Variants in LNPEP observed in about 807,000 individuals in gnomAD.
LNPEP encodes the protein leucyl-cystinyl aminopeptidase.
LNPEP carries 64 observed loss-of-function variants against 120.6 expected under a neutral mutation model. The observed-to-expected ratio is 0.53, with a 90% CI of 0.43 to 0.65. The LOEUF is 0.65. LNPEP is among the 30% of genes least tolerant of loss of function. LNPEP has a pLI of 0.00. For missense variants in LNPEP, 1,057 were observed against 1,200.0 expected (o/e 0.88, Z 1.76); for synonymous variants, 435 against 425.4 (o/e 1.02, Z -0.28).
intron 15 of LNPEP, 61 bp from the exon 16 acceptor site, chr5:97,026,556 G>A (rs1791344082): frequency 1.5e-6 from 2 of 1,352,438 alleles, no homozygotes; most frequent in Non-Finnish European, 2.1e-6. Flanking sequence ...TTTAATTTAA[G>A]TTCAGTCATC....
rs200779297 is a variant in LNPEP at position 96,969,253 on chromosome 5, C to CTT, written c.20-9873_20-9872dup. Among the ~76,000 whole-genome samples, 925 of 142,094 alleles carry CTT rather than the reference C, an allele frequency of 6.5e-3. 3 individuals are homozygous for CTT. Among genetic ancestry groups the CTT allele is most frequent in the South Asian group, 0.014 (62 of 4,516 alleles). 93.2% of individuals were successfully genotyped at this position (142,094 alleles called of 152,430 possible). A position where few individuals can be genotyped will look rare whatever the true frequency, so the allele number is the denominator to read the frequency against. On this transcript the variant is annotated intron_variant, in intron 1 of 17. Coordinates refer to ENST00000231368, the MANE Select transcript of LNPEP (RefSeq NM_005575.3). ...GTAGTTTTTTGCTTAAGAATGCTTG[C>CTT]TTTTTTTTTTTTTAACTTTTGATGA...
At position 97,033,060 on chromosome 5, in the gene LNPEP, T is replaced by C. The variant is rs1791502443; in HGVS notation, c.*4527T>C. The stretch of plus-strand genomic sequence containing the variant: ...TTTAGGCAATAGCTAATAGAGTAGT[T>C]TGTTTTGTTTTGGGGTGTGGGGGAG... On this transcript the variant is annotated 3_prime_UTR_variant, in exon 18 of 18. Coordinates refer to ENST00000231368, the MANE Select transcript of LNPEP (RefSeq NM_005575.3). 1.3e-5 allele frequency: 2 copies of C among 152,070 alleles called. No homozygotes were observed. Among genetic ancestry groups the C allele is most frequent in the South Asian group, 4.2e-4 (2 of 4,766 alleles). The allele number at this position is 152,070 out of a possible 1,614,324, so 9.4% of individuals were successfully genotyped here.
intron 2 of LNPEP, among the ~76,000 whole-genome samples, chr5:96,982,063 A>G (rs1790140003): frequency 6.6e-6 from 1 of 152,152 alleles, no homozygotes; most frequent in Non-Finnish European, 1.5e-5. Flanking sequence ...TATTCTGTCA[A>G]ACTCACTAAG....
chr5:96,940,901 G>A (rs1012829539), intron 1 of LNPEP, among the ~76,000 whole-genome samples: 47 of 152,292 alleles, frequency 3.1e-4, no homozygotes, highest in African/African-American at 1.1e-3. Flanking sequence ...TCGGGGGGAT[G>A]TATGTATACT....
At chr5:97,010,007 GGTTA>G (rs1331299932) in intron 11 of LNPEP, among the ~76,000 whole-genome samples, 1 of 151,678 alleles carries the variant, frequency 6.6e-6, no homozygotes, top group African/African-American at 2.4e-5. Flanking sequence ...AGGGTTGTTG[GGTTA>G]GTTCATTAGT....
chr5:97,013,967 T>C, intron 12 of LNPEP, 136 bp downstream of exon 12: 1 of 551,930 alleles, frequency 1.8e-6, no homozygotes, highest in Non-Finnish European at 3.1e-6. Flanking sequence ...TGGGAAAATA[T>C]GTGTTCTTTG....
At chr5:97,004,762 T>C (rs1407145906) in intron 9 of LNPEP, among the ~76,000 whole-genome samples, 1 of 152,194 alleles carries the variant, frequency 6.6e-6, no homozygotes, top group East Asian at 1.9e-4. Context: ...CCCTACTCTC[T>C]GAATTCTCTT....
At chr5:97,017,444 G>T (rs1791093003) in intron 13 of LNPEP, among the ~76,000 whole-genome samples, 1 of 151,620 alleles carries the variant, frequency 6.6e-6, no homozygotes, top group South Asian at 2.1e-4. Context: ...CTCTCTTAAT[G>T]ATTTTTTATT....
intron 1 of LNPEP, among the ~76,000 whole-genome samples, chr5:96,941,326 C>G (rs1789047265): frequency 6.6e-6 from 1 of 152,240 alleles, no homozygotes; most frequent in South Asian, 2.1e-4. Context: ...GCTGTGTGGC[C>G]TGATTCCTAA....
In LNPEP at chr5:96,986,638, A is replaced by G. The variant is rs766709145; in HGVS notation, c.1099A>G (p.Lys367Glu). 10 of 1,613,560 alleles carry G rather than the reference A, an allele frequency of 6.2e-6. No individual in the cohort carries two copies. The Admixed American group carries it at 1.7e-4, about 27-fold the overall frequency. The change falls in exon 4 of 18, where the codon AAG becomes GAG. Residue 367 changes from lysine to glutamate, a missense_variant. Lys to Glu is a moderately conservative substitution (Grantham distance 56). Transcript: ENST00000231368. ...GGTTGCTTTCATTGTGGGAGAGATG[A>G]AGAACCTGAGTCAGGACGTAAATGG... ...YLVAFIVGEM[K>E]NLSQDVNGTL...
Position 97,027,752 on chromosome 5 carries a change from A to G in LNPEP, c.2884A>G (p.Thr962Ala). The stretch of plus-strand genomic sequence containing the variant: ...CTTCAGGTTCCCTCTGGGGTCCTAT[A>G]CCATACAAAATATTGTTGCTGGATC... ...LVQKFPLGSYTIQNIVAGSTY... is the reference protein window; with the variant it reads ...LVQKFPLGSYAIQNIVAGSTY... Residue 962 changes from threonine (T) to alanine (A), a missense_variant, in exon 17 of 18, where the codon ACC (threonine) becomes GCC (alanine). Physicochemically the swap from Thr to Ala is moderately conservative, Grantham distance 58 (BLOSUM62 0). Coordinates refer to ENST00000231368, the MANE Select transcript of LNPEP (RefSeq NM_005575.3). The G allele has an allele frequency of 1.9e-6, 3 of 1,605,046 alleles. No individual in the cohort carries two copies. Among genetic ancestry groups the G allele is most frequent in the Non-Finnish European group, 2.6e-6 (3 of 1,171,700 alleles).
rs545583670 is a variant in LNPEP at position 97,034,828 on chromosome 5, A to T, written c.*6295A>T. On this transcript the variant is annotated 3_prime_UTR_variant, in exon 18 of 18. Transcript: ENST00000231368. Reference sequence around the variant, plus strand: ...CTTAATAGTAATAAAGTTGAGATTGACTCTATGAAAAATATCCCATACTCC... The same window carrying T: ...CTTAATAGTAATAAAGTTGAGATTGTCTCTATGAAAAATATCCCATACTCC... 6.6e-6 allele frequency: 1 copy of T among 152,052 alleles called. No individual in the cohort carries two copies. The highest frequency in any genetic ancestry group is 2.4e-5 in the African/African-American group (1 of 41,488). The allele number at this position is 152,052 out of a possible 1,614,324, so 9.4% of individuals were successfully genotyped here.
intron 4 of LNPEP, among the ~76,000 whole-genome samples, chr5:96,991,793 C>T (rs1790393898): frequency 6.6e-6 from 1 of 152,068 alleles, no homozygotes; most frequent in African/African-American, 2.4e-5. Context: ...ATAAGATGTC[C>T]TTTCCCCACT....
intron 3 of LNPEP, among the ~76,000 whole-genome samples, chr5:96,986,031 C>T (rs1371177017): frequency 6.6e-6 from 1 of 152,100 alleles, no homozygotes; most frequent in African/African-American, 2.4e-5. Context: ...CCTACATTCC[C>T]TCATTTTGTG....
chr5:97,021,808 CAT>C (rs10597125), intron 13 of LNPEP, among the ~76,000 whole-genome samples: 7,525 of 150,484 alleles, frequency 0.05, 442 homozygotes, highest in African/African-American at 0.14. Context: ...ATGTGGGTTT[CAT>C]ATGTCAGTTG....
intron 1 of LNPEP, among the ~76,000 whole-genome samples, chr5:96,941,292 C>T (rs1789045808): frequency 6.6e-6 from 1 of 152,182 alleles, no homozygotes; most frequent in Non-Finnish European, 1.5e-5. Context: ...TGAAGCTTCA[C>T]TTGTTTGCCT....
Position 96,979,735 on chromosome 5 carries a change from A to C in LNPEP, c.617A>C (p.Asn206Thr), listed in dbSNP as rs1445612744. 2 of 1,613,960 alleles carry C rather than the reference A, an allele frequency of 1.2e-6. No homozygotes were observed. The highest frequency in any genetic ancestry group is 8.5e-7 in the Non-Finnish European group (1 of 1,179,978). Reference protein sequence around the residue: ...ISVQALQVTWNIILHSTGHNI... With the variant: ...ISVQALQVTWTIILHSTGHNI... ...GTTCAGGCTCTTCAGGTCACATGGA[A>C]TATCATTCTTCATAGCACAGGTCAT... Residue 206 changes from asparagine to threonine, a missense_variant, in exon 2 of 18, where the codon AAT becomes ACT. Physicochemically the swap from Asn to Thr is moderately conservative, Grantham distance 65. Transcript: ENST00000231368.
At chr5:96,997,116 T>C (rs747594050) in intron 7 of LNPEP, among the ~76,000 whole-genome samples, 2 of 152,030 alleles carry the variant, frequency 1.3e-5, no homozygotes, top group Non-Finnish European at 2.9e-5. Context: ...TTCCAGTACT[T>C]AGGGATATTC....
Position 97,033,941 on chromosome 5 carries a change from A to C in LNPEP, c.*5408A>C, listed in dbSNP as rs189056619. On this transcript the variant is annotated 3_prime_UTR_variant, in exon 18 of 18. Transcript: ENST00000231368. ...TTTTAAAGTAGTTTGGATTTTTTTA[A>C]GTTTTGAGGGGTGGGAGGGGTCTAA... 1.3e-5 allele frequency: 2 copies of C among 151,776 alleles called. No individual in the cohort carries two copies. Among genetic ancestry groups the C allele is most frequent in the East Asian group, 3.9e-4 (2 of 5,162 alleles). The allele number at this position is 151,776 out of a possible 1,614,324, so 9.4% of individuals were successfully genotyped here.
Sources: gnomAD v4.1 joint callset for allele counts (sites outside exome capture counted in the v4.1 genomes callset) on GRCh38, gnomAD v4.1.1 for gene constraint, MANE v1.5 for transcripts, NCBI Gene and HGNC (gene_info 2026-07-23, HGNC 2026-07-21) for gene names.